Variants in OTOG observed in about 807,000 individuals in gnomAD.
OTOG encodes the protein otogelin.
A neutral mutation model predicts 313.8 loss-of-function variants in OTOG; 296 were observed. That is an observed-to-expected ratio of 0.94 (90% CI 0.86 to 1.04). OTOG has a LOEUF of 1.04. OTOG is among the 50% of genes least tolerant of loss of function. The pLI, the probability that OTOG is intolerant of heterozygous loss-of-function variation, is 0.00. For synonymous variants in OTOG, 1,533 were observed against 1,554.9 expected (o/e 0.99, Z 0.33); for missense variants, 3,948 against 3,840.1 (o/e 1.03, Z -0.74).
chr11:17,634,881 A>C lies in OTOG; in HGVS notation c.7518A>C (p.Thr2506=). Residue 2506 remains threonine (T), a synonymous_variant, in exon 45 of 56, where the codon ACA becomes ACC. Transcript: ENST00000399397. The stretch of plus-strand genomic sequence containing the variant: ...CTCTGTGTGAGGGTCTCGCCCCCAC[A>C]TGCCGCCCAGGCCACCGCCTCCTCA... ...NQTLCEGLAP[T]CRPGHRLLTH... 6.5e-7 allele frequency: 1 copy of C among 1,544,062 alleles called. No individual in the cohort carries two copies. The highest frequency in any genetic ancestry group is 2.0e-5 in the Admixed American group (1 of 50,696).
At position 17,609,766 on chromosome 11, in the gene OTOG, GC is replaced by G; in HGVS notation, c.4470del (p.Arg1491GlyfsTer19). 6.5e-7 allele frequency: 1 copy of G among 1,548,990 alleles called. No individual in the cohort carries two copies. The highest frequency in any genetic ancestry group is 8.7e-7 in the Non-Finnish European group (1 of 1,146,152). ...GAGGAGCCACAGCTGTCACAGGAAA[GC>G]CCCAGGACCCCCACCCACAGGCCAG... ...SDEEPQLSQE[S>X]PRTPTHRPAL... On this transcript the variant is annotated frameshift_variant, in exon 36 of 56. Transcript: ENST00000399397. LOFTEE classifies it high-confidence loss of function.
intron 4 of OTOG, among the ~76,000 whole-genome samples, chr11:17,552,303 G>A (rs966900716): frequency 2.0e-5 from 3 of 152,150 alleles, no homozygotes; most frequent in Non-Finnish European, 2.9e-5. Context: ...ACCATGGCCC[G>A]GGACTGCCCC....
At chr11:17,614,502 G>T (rs759285566) in intron 39 of OTOG, among the ~76,000 whole-genome samples, 13 of 152,134 alleles carry the variant, frequency 8.5e-5, no homozygotes, top group Non-Finnish European at 1.5e-4. Flanking sequence ...TCTACAAGTT[G>T]CAACAAGCAC....
intron 15 of OTOG, among the ~76,000 whole-genome samples, chr11:17,568,033 G>A (rs146965786): frequency 0.012 from 1,876 of 152,066 alleles, 42 homozygotes; most frequent in African/African-American, 0.043. Context: ...TCAGCCTCCC[G>A]AGTAACTGGG....
Position 17,563,854 on chromosome 11 carries a change from G to GTTT in OTOG, c.1644+2068_1644+2070dup, listed in dbSNP as rs61373849. On this transcript the variant is annotated intron_variant, in intron 15 of 55. Coordinates refer to ENST00000399397, the MANE Select transcript of OTOG (RefSeq NM_001292063.2). ...TGCCACCACACCTGGCTAGTTTTTG[G>GTTT]TTTTTTTTTTTTTTTTTTTTTTTGG... is the stretch of plus-strand genomic sequence containing the variant. Among the ~76,000 whole-genome samples the GTTT allele has an allele frequency of 2.5e-3, 269 of 106,608 alleles. 1 individual carries two copies. Among genetic ancestry groups the GTTT allele is most frequent in the African/African-American group, 0.01 (260 of 25,080 alleles). The allele number at this position is 106,608 out of a possible 152,430, so 69.9% of individuals were successfully genotyped here.
At position 17,570,117 on chromosome 11, in the gene OTOG, G is replaced by A. The variant is rs929787438; in HGVS notation, c.1778-96G>A. 2.1e-5 allele frequency: 24 copies of A among 1,143,540 alleles called. 1 individual carries two copies. In the South Asian group the frequency reaches 2.4e-4, roughly 11 times the overall value. The allele number at this position is 1,143,540 out of a possible 1,614,324, so 70.8% of individuals were successfully genotyped here. On this transcript the variant is annotated intron_variant, in intron 16 of 55. Coordinates refer to ENST00000399397, the MANE Select transcript of OTOG (RefSeq NM_001292063.2). Reference sequence around the variant, plus strand: ...GCAGGCAGGGGGCGAAGACTGGGCCGGGCGTGGGAGTCTGAGCGGGCCAGG... The same window carrying A: ...GCAGGCAGGGGGCGAAGACTGGGCCAGGCGTGGGAGTCTGAGCGGGCCAGG...
chr11:17,593,601 T>C lies in OTOG; in HGVS notation c.3142-9T>C. The C allele has an allele frequency of 6.5e-7, 1 of 1,548,658 alleles. No homozygotes were observed. The highest frequency in any genetic ancestry group is 1.4e-5 in the African/African-American group (1 of 73,084). ...TTGGGCTCAGGACTGACCATCTCTG[T>C]CCCTCTAGAGTCCAGAGAGCTTCCT... On this transcript the variant is annotated splice_polypyrimidine_tract_variant and intron_variant, in intron 26 of 55. Transcript: ENST00000399397.
chr11:17,609,891 C>T lies in OTOG; in HGVS notation c.4591C>T (p.Gln1531Ter). 6.6e-7 allele frequency: 1 copy of T among 1,514,808 alleles called. No individual in the cohort carries two copies. Among genetic ancestry groups the T allele is most frequent in the Non-Finnish European group, 8.9e-7 (1 of 1,126,548 alleles). 93.8% of individuals were successfully genotyped at this position (1,514,808 alleles called of 1,614,324 possible). A position where few individuals can be genotyped will look rare whatever the true frequency, so the allele number is the denominator to read the frequency against. ...TCCAGGCCCCACCCAGACCACCCTG[C>T]AGCAGCCACTGGAGCTCACTGCATC... is the stretch of plus-strand genomic sequence containing the variant. ...VSPGPTQTTL[Q>*]QPLELTASQL... Residue 1531 changes from glutamine to a stop codon, truncating the protein, a stop_gained, in exon 36 of 56, where the codon CAG (glutamine) becomes TAG (stop). Coordinates refer to ENST00000399397, the MANE Select transcript of OTOG (RefSeq NM_001292063.2). LOFTEE classifies it high-confidence loss of function.
At chr11:17,571,488 C>A (rs1852402897) in intron 17 of OTOG, among the ~76,000 whole-genome samples, 1 of 152,152 alleles carries the variant, frequency 6.6e-6, no homozygotes, top group Non-Finnish European at 1.5e-5. Flanking sequence ...CATGCTCATC[C>A]CCCTTCCTCC....
rs1484605356 is a variant in OTOG at position 17,635,202 on chromosome 11, C to T, written c.7693+15C>T. 3 of 1,528,248 alleles carry T rather than the reference C, an allele frequency of 2.0e-6. No homozygotes were observed. Among genetic ancestry groups the T allele is most frequent in the Non-Finnish European group, 2.6e-6 (3 of 1,137,774 alleles). The allele number at this position is 1,528,248 out of a possible 1,614,324, so 94.7% of individuals were successfully genotyped here. Reference sequence around the variant, plus strand: ...CTACTTCTGCGGTGGGTCGCCGCCACCAGACGCCAGCGCACACAGCCTGAT... The same window carrying T: ...CTACTTCTGCGGTGGGTCGCCGCCATCAGACGCCAGCGCACACAGCCTGAT... On this transcript the variant is annotated intron_variant, in intron 46 of 55. Coordinates refer to ENST00000399397, the MANE Select transcript of OTOG (RefSeq NM_001292063.2).
In OTOG at chr11:17,638,526, G is replaced by T; in HGVS notation, c.7871G>T (p.Arg2624Leu). 6.5e-7 allele frequency: 1 copy of T among 1,550,360 alleles called. No individual in the cohort carries two copies. The highest frequency in any genetic ancestry group is 8.7e-7 in the Non-Finnish European group (1 of 1,146,958). Residue 2624 changes from arginine (R) to leucine (L), a missense_variant, in exon 48 of 56, where the codon CGC becomes CTC. Arg to Leu is a moderately radical substitution (Grantham distance 102, BLOSUM62 -2). Coordinates refer to ENST00000399397, the MANE Select transcript of OTOG (RefSeq NM_001292063.2). The part of the protein sequence containing the change: ...TALVEVWSPD[R>L]CCPYKSCECD... ...CTGGTGGAGGTGTGGAGCCCCGACC[G>T]CTGCTGCCCCTACAAATCCTGTGGT...
At chr11:17,621,834 T>G (rs563682226) in intron 39 of OTOG, among the ~76,000 whole-genome samples, 20 of 152,368 alleles carry the variant, frequency 1.3e-4, no homozygotes, top group African/African-American at 4.8e-4. Context: ...CTGTTCACGT[T>G]GGAAAACTGT....
In OTOG at chr11:17,640,738, C is replaced by T; in HGVS notation, c.7936-7C>T. ...CCCAGGGTGCTGACTGCCTCTGCCC[C>T]ACCCAGTGGGAGAAATCCCAGCTGG... is the stretch of plus-strand genomic sequence containing the variant. On this transcript the variant is annotated splice_polypyrimidine_tract_variant and splice_region_variant and intron_variant, in intron 49 of 55. Coordinates refer to ENST00000399397, the MANE Select transcript of OTOG (RefSeq NM_001292063.2). 1 of 1,549,594 alleles carries T rather than the reference C, an allele frequency of 6.5e-7. No individual in the cohort carries two copies. The highest frequency in any genetic ancestry group is 8.7e-7 in the Non-Finnish European group (1 of 1,146,942).
intron 47 of OTOG, 75 bp downstream of exon 47, chr11:17,635,786 G>A: frequency 8.1e-7 from 1 of 1,227,082 alleles, no homozygotes; most frequent in Non-Finnish European, 1.2e-6. Context: ...CGGACCAATG[G>A]GGGTTGACAG....
chr11:17,586,964 T>G (rs1852808532), intron 24 of OTOG, among the ~76,000 whole-genome samples: 1 of 139,312 alleles, frequency 7.2e-6, no homozygotes, highest in Non-Finnish European at 1.6e-5. Context: ...TCTCAATATG[T>G]CAGTGAATAT....
intron 39 of OTOG, among the ~76,000 whole-genome samples, chr11:17,618,208 C>G (rs1022415854): frequency 6.6e-6 from 1 of 152,118 alleles, no homozygotes; most frequent in African/African-American, 2.4e-5. Flanking sequence ...GCCTCTTTTT[C>G]TAATATAAGC....
intron 24 of OTOG, 137 bp from the exon 25 acceptor site, chr11:17,591,313 T>C: frequency 8.4e-7 from 1 of 1,194,866 alleles, no homozygotes; most frequent in East Asian, 2.6e-5. Flanking sequence ...TCCAGGCTCC[T>C]GTTAGAGGTT....
intron 14 of OTOG, 43 bp from the exon 15 acceptor site, chr11:17,561,618 CT>C (rs1448778714): frequency 6.5e-7 from 1 of 1,548,574 alleles, no homozygotes; most frequent in Non-Finnish European, 8.7e-7. Context: ...CAGAGTTCCC[CT>C]GGGGCGGCTC....
intron 53 of OTOG, 41 bp from the exon 54 acceptor site, chr11:17,643,420 G>T (rs1340004691): frequency 4.4e-6 from 6 of 1,371,298 alleles, no homozygotes; most frequent in Non-Finnish European, 5.7e-6. Context: ...CTGGACAGGG[G>T]TCTCCACACC....
Sources: gnomAD v4.1 joint callset for allele counts (sites outside exome capture counted in the v4.1 genomes callset) on GRCh38, gnomAD v4.1.1 for gene constraint, MANE v1.5 for transcripts, NCBI Gene and HGNC (gene_info 2026-07-23, HGNC 2026-07-21) for gene names.